RBPJ: variants seen among roughly 807,000 people sequenced by gnomAD.
RBPJ encodes recombining binding protein suppressor of hairless.
A neutral mutation model predicts 67.8 loss-of-function variants in RBPJ; 9 were observed. The ratio of observed to expected loss-of-function variants is 0.13; its 90% confidence interval spans 0.08 to 0.23. The LOEUF is 0.23. RBPJ is among the 10% of genes least tolerant of loss of function. The probability of loss-of-function intolerance (pLI) is 1.00; values close to 1 mark genes in which losing one functional copy is unlikely to be tolerated. For missense variants in RBPJ, 305 were observed against 595.6 expected, an observed-to-expected ratio of 0.51 and a Z score of 5.08; for synonymous variants, 198 against 203.3, an observed-to-expected ratio of 0.97 and a Z score of 0.22.
the RBPJ span, among the ~76,000 whole-genome samples, chr4:26,139,321 C>G: frequency 4.6e-5 from 7 of 152,182 alleles, no homozygotes; most frequent in African/African-American, 1.7e-4. Flanking sequence ...TGAGCTCCTT[C>G]GTTATTTATT....
chr4:26,173,680 C>G (rs1051465735), intron 1 of RBPJ, among the ~76,000 whole-genome samples: 7 of 152,162 alleles, frequency 4.6e-5, no homozygotes, highest in Admixed American at 3.9e-4. Context: ...GGAAACATAA[C>G]GCTTCCACTC....
the RBPJ span, among the ~76,000 whole-genome samples, chr4:26,107,287 C>T: frequency 6.6e-6 from 1 of 152,220 alleles, no homozygotes; most frequent in African/African-American, 2.4e-5. Context: ...CAGGACTCCT[C>T]CTAACACACC....
chr4:26,293,187 G>A lies in RBPJ; in HGVS notation c.-166-69259G>A, dbSNP rs992153089. ...CCAGGTTCCTCCTCAGGCCCAAGTA[G>A]GCTCTTAGCATTCCCTTTTCTTCCT... On this transcript the variant is annotated intron_variant, in intron 1 of 4. Coordinates refer to the RBPJ transcript ENST00000512351. Among the ~76,000 whole-genome samples, 6 of 150,570 alleles carry A rather than the reference G, an allele frequency of 4.0e-5. 1 individual carries two copies. Among genetic ancestry groups the A allele is most frequent in the African/African-American group, 1.5e-4 (6 of 40,926 alleles).
intron 1 of RBPJ, among the ~76,000 whole-genome samples, chr4:26,211,565 C>A (rs1718422608): frequency 6.6e-6 from 1 of 152,192 alleles, no homozygotes; most frequent in South Asian, 2.1e-4. Context: ...GCACGACCAT[C>A]ATCAATTTAT....
intron 1 of RBPJ, among the ~76,000 whole-genome samples, chr4:26,258,319 C>T (rs1720412803): frequency 6.6e-6 from 1 of 152,242 alleles, no homozygotes; most frequent in African/African-American, 2.4e-5. Context: ...AATCTCTCTT[C>T]TTCACCTCTG....
At chr4:26,313,972 A>C (rs943334974) in intron 1 of RBPJ, among the ~76,000 whole-genome samples, 2 of 152,156 alleles carry the variant, frequency 1.3e-5, no homozygotes, top group Non-Finnish European at 2.9e-5. Flanking sequence ...TATAGGAAAT[A>C]TATATACATA....
At chr4:26,215,409 A>AAGGG (rs1718687081) in intron 1 of RBPJ, among the ~76,000 whole-genome samples, 2 of 11,082 alleles carry the variant, frequency 1.8e-4, no homozygotes, top group African/African-American at 1.5e-3. Flanking sequence ...AAGGGGGGGG[A>AAGGG]AGGAAGGAAG....
At chr4:26,113,591 G>T in the RBPJ span, 1 of 406,100 alleles carries the variant, frequency 2.5e-6, no homozygotes, top group South Asian at 2.4e-5. Flanking sequence ...CAAAGCACAT[G>T]GGAAATCCTT....
At chr4:26,130,050 C>T in the RBPJ span, among the ~76,000 whole-genome samples, 1 of 151,930 alleles carries the variant, frequency 6.6e-6, no homozygotes, top group Non-Finnish European at 1.5e-5. Flanking sequence ...TTAGTAGAGA[C>T]AGGGTTTCAC....
At chr4:26,114,947 T>G in the RBPJ span, among the ~76,000 whole-genome samples, 7 of 152,212 alleles carry the variant, frequency 4.6e-5, no homozygotes, top group African/African-American at 1.7e-4. Flanking sequence ...TCACTTCTAA[T>G]TAGGTTGCTA....
intron 1 of RBPJ, among the ~76,000 whole-genome samples, chr4:26,346,320 T>C (rs946151360): frequency 6.6e-6 from 1 of 152,092 alleles, no homozygotes; most frequent in Non-Finnish European, 1.5e-5. Flanking sequence ...ATAGTCAGAT[T>C]GGAGGAGGGG....
chr4:26,233,394 T>C lies in RBPJ; in HGVS notation c.-167+69780T>C, dbSNP rs563937599. Among the ~76,000 whole-genome samples, 3 of 152,352 alleles carry C rather than the reference T, an allele frequency of 2.0e-5. No individual in the cohort carries two copies. In the East Asian group the frequency reaches 5.8e-4, roughly 29 times the overall value. ...CATCTGATTTGGTAACAGGTTTCCT[T>C]GCAAAAAGTTTCCTTCTTCACTTAG... is the stretch of plus-strand genomic sequence containing the variant. On this transcript the variant is annotated intron_variant, in intron 1 of 4. Coordinates refer to the RBPJ transcript ENST00000512351.
chr4:26,304,339 G>T (rs1010393703), intron 1 of RBPJ, among the ~76,000 whole-genome samples: 2 of 152,094 alleles, frequency 1.3e-5, no homozygotes, highest in Non-Finnish European at 2.9e-5. Context: ...ACGTGTTTTC[G>T]GTTCTCTTAA....
intron 1 of RBPJ, among the ~76,000 whole-genome samples, chr4:26,262,016 G>C (rs942220942): frequency 8.5e-5 from 13 of 152,176 alleles, no homozygotes; most frequent in African/African-American, 2.7e-4. Context: ...CACAATCAAG[G>C]CTCACTGCAG....
upstream of RBPJ, among the ~76,000 whole-genome samples, chr4:26,319,267 C>T (rs1314609757): frequency 2.0e-5 from 3 of 152,156 alleles, no homozygotes; most frequent in Non-Finnish European, 4.4e-5. Flanking sequence ...CCTGACCTCT[C>T]ACTCTCCGTA....
chr4:26,414,984 C>G (rs1231104959), intron 3 of RBPJ, among the ~76,000 whole-genome samples: 2 of 152,126 alleles, frequency 1.3e-5, no homozygotes, highest in Non-Finnish European at 2.9e-5. Context: ...TTGGATGTTT[C>G]TACTATGGAC....
chr4:26,349,094 G>GCGCGCGCGCGCGTT (rs1553867523), intron 1 of RBPJ, among the ~76,000 whole-genome samples: 1 of 37,094 alleles, frequency 2.7e-5, no homozygotes, highest in Non-Finnish European at 7.6e-5. Context: ...GTGTGCGCGC[G>GCGCGCGCGCGCGTT]CGCACGCACT....
rs138240778 is a variant in RBPJ, at chr4:26,262,647, T to G, written c.-167+99033T>G. Among the ~76,000 whole-genome samples the G allele has an allele frequency of 3.0e-3, 459 of 152,266 alleles. 3 individuals are homozygous for G. The highest frequency in any genetic ancestry group is 0.014 in the Middle Eastern group (4 of 294). ...TCTGCTTTTTTGACATTTCACAATC[T>G]CCTTGGAGTATTTGCTCTATTTCCC... On this transcript the variant is annotated intron_variant, in intron 1 of 4. Transcript: ENST00000512351.
the RBPJ span, chr4:26,113,603 T>G: frequency 2.6e-6 from 1 of 391,704 alleles, no homozygotes; most frequent in Non-Finnish European, 5.1e-6. Flanking sequence ...GAAATCCTTC[T>G]GCCCCAGGTC....
Sources: gnomAD v4.1 joint callset for allele counts (sites outside exome capture counted in the v4.1 genomes callset) on GRCh38, gnomAD v4.1.1 for gene constraint, MANE v1.5 for transcripts, NCBI Gene and HGNC (gene_info 2026-07-23, HGNC 2026-07-21) for gene names.